OSBPL8: variants seen among roughly 807,000 people sequenced by gnomAD.
The protein encoded by OSBPL8 is oxysterol binding protein like 8.
Under a neutral mutation model 125.5 loss-of-function variants are expected in OSBPL8, and 59 were observed. That is an observed-to-expected ratio of 0.47 (90% CI 0.38 to 0.58). The LOEUF is 0.58. Ranked by LOEUF, OSBPL8 falls within the 20% of genes least tolerant of loss-of-function variation. The pLI is 0.00. For missense variants in OSBPL8, 758 were observed against 1,047.8 expected (o/e 0.72, Z 3.82); for synonymous variants, 330 against 338.9 (o/e 0.97, Z 0.29).
intron 18 of OSBPL8, among the ~76,000 whole-genome samples, chr12:76,372,336 G>C (rs147150384): frequency 1.3e-5 from 2 of 152,134 alleles, no homozygotes; most frequent in Non-Finnish European, 2.9e-5. Context: ...TTCCTGAGTA[G>C]CTGGGACAGG....
intron 1 of OSBPL8, among the ~76,000 whole-genome samples, chr12:76,513,396 T>C (rs556401117): frequency 2.2e-4 from 34 of 152,366 alleles, no homozygotes; most frequent in South Asian, 6.2e-4. Flanking sequence ...GAAGAATGTA[T>C]ATTCAGTTGT....
intron 15 of OSBPL8, among the ~76,000 whole-genome samples, chr12:76,380,744 A>G (rs151131128): frequency 1.3e-5 from 2 of 152,128 alleles, no homozygotes; most frequent in East Asian, 3.9e-4. Flanking sequence ...TTTCCCTTTA[A>G]TTTGCCTACT....
chr12:76,515,537 G>A (rs1323675839), intron 1 of OSBPL8, among the ~76,000 whole-genome samples: 1 of 152,130 alleles, frequency 6.6e-6, no homozygotes, highest in African/African-American at 2.4e-5. Flanking sequence ...CCTCACAATT[G>A]CAGCCACGTT....
chr12:76,469,465 T>C (rs34832357), intron 2 of OSBPL8, among the ~76,000 whole-genome samples: 57,759 of 152,022 alleles, frequency 0.38, 11,566 homozygotes, highest in Non-Finnish European at 0.46. Context: ...CAACACTGAC[T>C]CTGTACCTCC....
rs1177330616 is a variant in OSBPL8 at position 76,430,137 on chromosome 12, ACACCCAAC to A, written c.218-19511_218-19504del. Among the ~76,000 whole-genome samples, 10 of 152,284 alleles carry A rather than the reference ACACCCAAC, an allele frequency of 6.6e-5. No individual in the cohort carries two copies. In the East Asian group the frequency reaches 1.7e-3, roughly 26 times the overall value. ...CCTCTCTGGGGAACACAGTGGTAAT[ACACCCAAC>A]CACATTCTTCTTAATGGACCTACCA... On this transcript the variant is annotated intron_variant, in intron 4 of 23. Transcript: ENST00000261183.
At chr12:76,396,980 A>C (rs954450854) in intron 8 of OSBPL8, among the ~76,000 whole-genome samples, 1 of 151,566 alleles carries the variant, frequency 6.6e-6, no homozygotes, top group Admixed American at 6.6e-5. Flanking sequence ...ATACTTGGCT[A>C]ATTTTTGTAT....
intron 8 of OSBPL8, among the ~76,000 whole-genome samples, chr12:76,396,237 G>A (rs1173042114): frequency 2.0e-5 from 3 of 151,956 alleles, no homozygotes; most frequent in Non-Finnish European, 1.5e-5. Flanking sequence ...ATGTATTCTC[G>A]CTGTGACTCC....
At chr12:76,397,664 C>G in intron 8 of OSBPL8, 30 bp downstream of exon 8, 4 of 1,590,826 alleles carry the variant, frequency 2.5e-6, no homozygotes. Context: ...TCATCTTTAC[C>G]TTTCACCTAT....
At chr12:76,450,215 G>A (rs1253330576) in intron 4 of OSBPL8, among the ~76,000 whole-genome samples, 1 of 152,214 alleles carries the variant, frequency 6.6e-6, no homozygotes, top group Admixed American at 6.5e-5. Context: ...ACATTTTCTG[G>A]GTAGAGGCCA....
At position 76,532,472 on chromosome 12, in the gene OSBPL8, G is replaced by A. The variant is rs949276407; in HGVS notation, c.-68+26925C>T. 1.2e-4 allele frequency among the ~76,000 whole-genome samples: 19 copies of A among 152,206 alleles called. No individual in the cohort carries two copies. The East Asian group carries it at 2.3e-3, about 19-fold the overall frequency. On this transcript the variant is annotated intron_variant, in intron 1 of 23. Coordinates refer to ENST00000261183, the MANE Select transcript of OSBPL8 (RefSeq NM_020841.5). Reference sequence around the variant, plus strand: ...GAATGCTTATATGTATTAGGATCATGGCAAATCTATAAAGGCTGAAAGGCT... The same window carrying A: ...GAATGCTTATATGTATTAGGATCATAGCAAATCTATAAAGGCTGAAAGGCT...
chr12:76,371,240 G>A, intron 19 of OSBPL8: 1 of 414,690 alleles, frequency 2.4e-6, no homozygotes. Flanking sequence ...AGAAAAAAAT[G>A]AGTAGTTTTG....
chr12:76,453,661 G>A (rs1873683845), intron 3 of OSBPL8, among the ~76,000 whole-genome samples: 1 of 152,136 alleles, frequency 6.6e-6, no homozygotes, highest in African/African-American at 2.4e-5. Flanking sequence ...ACTTGGGACA[G>A]AGATTCCTTT....
chr12:76,519,971 A>G (rs1389239457), intron 1 of OSBPL8, among the ~76,000 whole-genome samples: 2 of 152,194 alleles, frequency 1.3e-5, no homozygotes, highest in Non-Finnish European at 2.9e-5. Flanking sequence ...AAACCATATC[A>G]GTACAGAAGG....
chr12:76,401,830 G>A (rs942405948), intron 6 of OSBPL8, among the ~76,000 whole-genome samples: 3 of 152,082 alleles, frequency 2.0e-5, no homozygotes, highest in African/African-American at 7.2e-5. Flanking sequence ...TCCAAAATAT[G>A]AAAGTTTCAC....
intron 1 of OSBPL8, among the ~76,000 whole-genome samples, chr12:76,490,836 G>A (rs1475996003): frequency 6.6e-6 from 1 of 152,216 alleles, no homozygotes; most frequent in African/African-American, 2.4e-5. Flanking sequence ...ACAGAGCACT[G>A]TAATATGCCC....
chr12:76,478,760 A>C (rs1877111583), intron 2 of OSBPL8, among the ~76,000 whole-genome samples: 1 of 152,204 alleles, frequency 6.6e-6, no homozygotes, highest in African/African-American at 2.4e-5. Flanking sequence ...TGCTAACAAA[A>C]CTTTCAGAAG....
At chr12:76,417,668 T>C (rs1484253003) in intron 4 of OSBPL8, among the ~76,000 whole-genome samples, 1 of 152,222 alleles carries the variant, frequency 6.6e-6, no homozygotes, top group Non-Finnish European at 1.5e-5. Flanking sequence ...ATTTTGGTTA[T>C]GTTTAATTTC....
intron 2 of OSBPL8, among the ~76,000 whole-genome samples, chr12:76,460,381 T>C (rs914674676): frequency 6.6e-6 from 1 of 152,090 alleles, no homozygotes; most frequent in African/African-American, 2.4e-5. Flanking sequence ...ATTTAGTATG[T>C]TTCTTCTACA....
intron 2 of OSBPL8, among the ~76,000 whole-genome samples, chr12:76,468,506 C>T (rs559034120): frequency 6.6e-6 from 1 of 152,344 alleles, no homozygotes; most frequent in East Asian, 1.9e-4. Context: ...CAAATGTTAG[C>T]TCCACTGGAG....
Sources: gnomAD v4.1 joint callset for allele counts (sites outside exome capture counted in the v4.1 genomes callset) on GRCh38, gnomAD v4.1.1 for gene constraint, MANE v1.5 for transcripts, NCBI Gene and HGNC (gene_info 2026-07-23, HGNC 2026-07-21) for gene names.